The following DAB1 variants were observed in gnomAD, a reference collection of about 807,000 sequenced individuals.
DAB1 encodes the protein disabled homolog 1.
Under a neutral mutation model 64.6 loss-of-function variants are expected in DAB1, and 15 were observed. The ratio of observed to expected loss-of-function variants is 0.23; its 90% CI spans 0.16 to 0.36. DAB1 has a LOEUF of 0.36. Among genes scored for constraint, DAB1 ranks in the 10% least tolerant of loss-of-function variants. The pLI is 1.00. For synonymous variants in DAB1, 235 were observed against 251.9 expected, an observed-to-expected ratio of 0.93 and a Z score of 0.64; for missense variants, 596 against 706.7, an observed-to-expected ratio of 0.84 and a Z score of 1.78.
chr1:57,910,916 C>G (rs1644634044), intron 5 of DAB1, among the ~76,000 whole-genome samples: 1 of 152,164 alleles, frequency 6.6e-6, no homozygotes, highest in Admixed American at 6.5e-5. Context: ...CATCGTCAAA[C>G]AGGAATGATA....
intron 4 of DAB1, among the ~76,000 whole-genome samples, chr1:58,318,529 A>C (rs1176270154): frequency 6.6e-6 from 1 of 152,262 alleles, no homozygotes; most frequent in African/African-American, 2.4e-5. Context: ...ACATAGAGTC[A>C]CCAAATGTGA....
chr1:57,724,840 C>G (rs973306501), intron 6 of DAB1, among the ~76,000 whole-genome samples: 3 of 152,194 alleles, frequency 2.0e-5, no homozygotes, highest in African/African-American at 7.2e-5. Context: ...TGGAGGGTGA[C>G]TATCCCCCAC....
intron 7 of DAB1, among the ~76,000 whole-genome samples, chr1:57,558,323 A>G (rs750593711): frequency 3.3e-5 from 5 of 152,148 alleles, no homozygotes; most frequent in Non-Finnish European, 7.4e-5. Context: ...GGCAGTTGCC[A>G]AGCAAGATAA....
At chr1:58,366,270 A>C (rs1371610194) in intron 3 of DAB1, among the ~76,000 whole-genome samples, 1 of 152,104 alleles carries the variant, frequency 6.6e-6, no homozygotes, top group Non-Finnish European at 1.5e-5. Flanking sequence ...TGAGTGTTTG[A>C]TCCACCAGCA....
intron 2 of DAB1, among the ~76,000 whole-genome samples, chr1:57,274,684 G>A (rs1295603267): frequency 3.9e-5 from 6 of 152,086 alleles, no homozygotes; most frequent in South Asian, 2.1e-4. Context: ...GGGCTCAAGC[G>A]ATTCTCCTGC....
intron 2 of DAB1, among the ~76,000 whole-genome samples, chr1:57,207,446 C>CTTTTTTTTTGTTTTTTTTTTTTTTTT (rs1665660051): frequency 1.0e-5 from 1 of 98,460 alleles, no homozygotes; most frequent in Non-Finnish European, 2.2e-5. Context: ...TATTTCCTTT[C>CTTTTTTTTTGTTTTTTTTTTTTTTTT]TTTTTTTTTT....
At chr1:57,494,074 T>G (rs1428913718) in intron 7 of DAB1, among the ~76,000 whole-genome samples, 2 of 152,156 alleles carry the variant, frequency 1.3e-5, no homozygotes, top group Non-Finnish European at 2.9e-5. Context: ...CTCTGTGAAC[T>G]CTAAAGAACT....
At chr1:57,352,694 T>C (rs146381562) in intron 1 of DAB1, among the ~76,000 whole-genome samples, 1 of 152,176 alleles carries the variant, frequency 6.6e-6, no homozygotes, top group Admixed American at 6.5e-5. Context: ...TTGGAACATT[T>C]CCTGAAGAAT....
chr1:57,112,451 C>T (rs1274902126), intron 4 of DAB1, among the ~76,000 whole-genome samples: 2 of 152,156 alleles, frequency 1.3e-5, no homozygotes, highest in Non-Finnish European at 2.9e-5. Flanking sequence ...GGCCCTTATG[C>T]TGTCTTCTAC....
chr1:58,181,198 C>T (rs1656770384), intron 4 of DAB1, among the ~76,000 whole-genome samples: 2 of 151,974 alleles, frequency 1.3e-5, no homozygotes, highest in South Asian at 4.1e-4. Context: ...TCCTGATATC[C>T]TATACATCTT....
intron 5 of DAB1, among the ~76,000 whole-genome samples, chr1:58,065,186 T>G (rs1326161980): frequency 6.6e-6 from 1 of 152,154 alleles, no homozygotes; most frequent in Non-Finnish European, 1.5e-5. Context: ...CAAGCACTGA[T>G]AGTTTCCAGG....
At chr1:57,784,416 A>G (rs1408000064) in intron 6 of DAB1, among the ~76,000 whole-genome samples, 1 of 152,132 alleles carries the variant, frequency 6.6e-6, no homozygotes. Flanking sequence ...ACAAACAAAA[A>G]AAGCTGAGAT....
chr1:57,307,994 G>A (rs944590511), intron 1 of DAB1, among the ~76,000 whole-genome samples: 8 of 152,112 alleles, frequency 5.3e-5, no homozygotes, highest in Admixed American at 2.6e-4. Context: ...TGAGAGCTGT[G>A]GGGTCACTAA....
At chr1:58,334,162 T>C (rs1001008610) in intron 4 of DAB1, among the ~76,000 whole-genome samples, 2 of 152,188 alleles carry the variant, frequency 1.3e-5, no homozygotes, top group African/African-American at 4.8e-5. Flanking sequence ...TATTAGACAC[T>C]TGTCATATCC....
chr1:58,222,477 C>A (rs999915339), intron 4 of DAB1, among the ~76,000 whole-genome samples: 4 of 152,170 alleles, frequency 2.6e-5, no homozygotes, highest in African/African-American at 9.7e-5. Flanking sequence ...ATTATTTAGA[C>A]CTGTAAGTTA....
intron 7 of DAB1, among the ~76,000 whole-genome samples, chr1:57,431,143 C>CAAAAAAAAAAAAAAAAAAAAAAAAAA (rs77701798): frequency 5.2e-5 from 5 of 96,388 alleles, no homozygotes; most frequent in Admixed American, 1.1e-4. Flanking sequence ...AGGCCAAAAA[C>CAAAAAAAAAAAAAAAAAAAAAAAAAA]AAAAAAAAAA....
intron 1 of DAB1, among the ~76,000 whole-genome samples, chr1:57,872,245 A>T (rs546393480): frequency 2.6e-5 from 4 of 152,270 alleles, no homozygotes; most frequent in Non-Finnish European, 2.9e-5. Flanking sequence ...TTCCAATGTG[A>T]TGGTATTAAG....
intron 3 of DAB1, among the ~76,000 whole-genome samples, chr1:58,457,514 G>A (rs998627930): frequency 6.6e-6 from 1 of 152,116 alleles, no homozygotes; most frequent in Non-Finnish European, 1.5e-5. Context: ...GTACAGATTA[G>A]GGAAAAAAAT....
At chr1:57,588,432 A>C (rs919942378) in intron 7 of DAB1, among the ~76,000 whole-genome samples, 1 of 152,220 alleles carries the variant, frequency 6.6e-6, no homozygotes, top group Non-Finnish European at 1.5e-5. Context: ...ATTACTATAA[A>C]ATGAGTTTAT....
Sources: gnomAD v4.1 joint callset for allele counts (sites outside exome capture counted in the v4.1 genomes callset) on GRCh38, gnomAD v4.1.1 for gene constraint, MANE v1.5 for transcripts, NCBI Gene and HGNC (gene_info 2026-07-23, HGNC 2026-07-21) for gene names.